The following SRRM3 variants were observed in gnomAD, a reference collection of about 807,000 sequenced individuals.
SRRM3 encodes serine/arginine repetitive matrix 3, also known as serine/arginine repetitive matrix protein 3.
Under a neutral mutation model 66.2 loss-of-function variants are expected in SRRM3, and 27 were observed. The observed-to-expected ratio is 0.41, with a 90% CI of 0.30 to 0.56. SRRM3 has a LOEUF of 0.56. Ranked by LOEUF, SRRM3 falls within the 20% of genes least tolerant of loss-of-function variation. The pLI, the probability that SRRM3 is intolerant of heterozygous loss-of-function variation, is 0.32. For synonymous variants in SRRM3, 391 were observed against 414.9 expected (o/e 0.94, Z 0.70); for missense variants, 918 against 991.9 (o/e 0.93, Z 1.00).
intron 11 of SRRM3, 44 bp downstream of exon 11, chr7:76,267,479 G>A (rs1802098993): frequency 6.9e-6 from 9 of 1,298,530 alleles, no homozygotes; most frequent in South Asian, 2.3e-5. Flanking sequence ...GCCGCGGGCT[G>A]CGCCGTGCGT....
intron 1 of SRRM3, among the ~76,000 whole-genome samples, chr7:76,232,076 G>A (rs1037629360): frequency 6.6e-6 from 1 of 152,158 alleles, no homozygotes; most frequent in African/African-American, 2.4e-5. Context: ...ACCATGCCAT[G>A]TATTCCTCTC....
chr7:76,264,719 C>T (rs2117068737), intron 8 of SRRM3, 46 bp from the exon 9 acceptor site: 1 of 1,608,402 alleles, frequency 6.2e-7, no homozygotes, highest in East Asian at 2.2e-5. Context: ...ACGAAGGCCA[C>T]ACCCTCCCCG....
chr7:76,208,659 A>G (rs1350296921), intron 1 of SRRM3, among the ~76,000 whole-genome samples: 1 of 151,692 alleles, frequency 6.6e-6, no homozygotes, highest in Admixed American at 6.6e-5. Flanking sequence ...TCATGGAGAA[A>G]CCCCATCTCC....
intron 3 of SRRM3, among the ~76,000 whole-genome samples, chr7:76,254,987 A>G (rs1298393055): frequency 6.6e-6 from 1 of 151,950 alleles, no homozygotes; most frequent in East Asian, 1.9e-4. Flanking sequence ...CACCCCAGAA[A>G]AACCTCGCTA....
At chr7:76,252,567 C>T (rs932715519) in intron 3 of SRRM3, among the ~76,000 whole-genome samples, 1 of 151,572 alleles carries the variant, frequency 6.6e-6, no homozygotes, top group Non-Finnish European at 1.5e-5. Context: ...AGTGATCTGC[C>T]CACCTTGGCC....
In SRRM3 at chr7:76,210,992, T is replaced by C. The variant is rs1257762378; in HGVS notation, c.-40+8925T>C. Among the ~76,000 whole-genome samples, 33 of 152,132 alleles carry C rather than the reference T, an allele frequency of 2.2e-4. 1 individual carries two copies. On this transcript the variant is annotated intron_variant, in intron 1 of 14. Coordinates refer to ENST00000611745, the MANE Select transcript of SRRM3 (RefSeq NM_001110199.3). The stretch of plus-strand genomic sequence containing the variant: ...TAATTTTTTTTGTGTGTGTGTATTT[T>C]TAGTAGAGACAGGGTTTCAACATAT...
At position 76,270,021 on chromosome 7, in the gene SRRM3, G is replaced by C. The variant is rs1802172333; in HGVS notation, c.1008+2586G>C. On this transcript the variant is annotated intron_variant, in intron 11 of 14. Transcript: ENST00000611745. ...CTCCCACACCAACAGCTCCTGCCAAGTCAGCAGCGGCAGCAAATCCTCCTT... is the reference window on the plus strand; with the variant it reads ...CTCCCACACCAACAGCTCCTGCCAACTCAGCAGCGGCAGCAAATCCTCCTT... 3 of 151,926 alleles carry C rather than the reference G, an allele frequency of 2.0e-5. No individual in the cohort carries two copies. In the South Asian group the frequency reaches 6.2e-4, roughly 32 times the overall value. 9.4% of individuals were successfully genotyped at this position (151,926 alleles called of 1,614,324 possible).
At chr7:76,242,104 CA>C (rs1554605693) in intron 2 of SRRM3, among the ~76,000 whole-genome samples, 2 of 152,184 alleles carry the variant, frequency 1.3e-5, no homozygotes, top group Non-Finnish European at 2.9e-5. Context: ...AGAGACACCC[CA>C]GACTCCTTAA....
chr7:76,231,904 A>C (rs751269246), intron 1 of SRRM3, among the ~76,000 whole-genome samples: 11 of 152,164 alleles, frequency 7.2e-5, no homozygotes, highest in Non-Finnish European at 5.9e-5. Flanking sequence ...GAGGGGAAAC[A>C]CATAGGCAAA....
intron 1 of SRRM3, among the ~76,000 whole-genome samples, chr7:76,215,499 C>G (rs73138059): frequency 0.013 from 1,934 of 149,956 alleles, 12 homozygotes; most frequent in Non-Finnish European, 0.02. Flanking sequence ...CCTTCTAGGC[C>G]CAAATGATCC....
intron 14 of SRRM3, among the ~76,000 whole-genome samples, chr7:76,284,172 CTTT>C (rs61170781): frequency 3.7e-5 from 5 of 134,594 alleles, no homozygotes; most frequent in Admixed American, 1.5e-4. Flanking sequence ...GCTACTGCTT[CTTT>C]TTTTTTTTTT....
At chr7:76,252,449 G>C (rs1307553413) in intron 3 of SRRM3, among the ~76,000 whole-genome samples, 1 of 152,146 alleles carries the variant, frequency 6.6e-6, no homozygotes, top group Non-Finnish European at 1.5e-5. Context: ...AGCCTCCCAA[G>C]TAGCTGGGAT....
chr7:76,282,298 C>T (rs1286272924), intron 12 of SRRM3, among the ~76,000 whole-genome samples: 1 of 144,470 alleles, frequency 6.9e-6, no homozygotes, highest in Non-Finnish European at 1.5e-5. Flanking sequence ...TGAGCTACCC[C>T]CGGTTATCCT....
At chr7:76,210,098 T>C (rs2116934484) in intron 1 of SRRM3, among the ~76,000 whole-genome samples, 1 of 152,266 alleles carries the variant, frequency 6.6e-6, no homozygotes, top group South Asian at 2.1e-4. Flanking sequence ...CAGGAGGTGA[T>C]GGTACCACTG....
At chr7:76,209,833 T>C (rs1800386205) in intron 1 of SRRM3, among the ~76,000 whole-genome samples, 1 of 152,162 alleles carries the variant, frequency 6.6e-6, no homozygotes, top group African/African-American at 2.4e-5. Context: ...CTCAAATGCC[T>C]GGCCTCAAGC....
At chr7:76,266,888 G>T (rs1554609801) in intron 10 of SRRM3, among the ~76,000 whole-genome samples, 1 of 151,558 alleles carries the variant, frequency 6.6e-6, no homozygotes, top group Admixed American at 6.6e-5. Context: ...GAACAGCCTG[G>T]TCTCGAATTC....
chr7:76,282,939 C>A lies in SRRM3; in HGVS notation c.1596-25C>A, dbSNP rs782076131. On this transcript the variant is annotated intron_variant, in intron 13 of 14. Coordinates refer to ENST00000611745, the MANE Select transcript of SRRM3 (RefSeq NM_001110199.3). ...GGTGGAGCGGCCGGGCCGCGTCGCTCACTTACCTCGCGCCGGCCCCGCAGG... is the reference window on the plus strand; with the variant it reads ...GGTGGAGCGGCCGGGCCGCGTCGCTAACTTACCTCGCGCCGGCCCCGCAGG... The A allele has an allele frequency of 5.5e-5, 73 of 1,322,566 alleles. 1 individual carries two copies. The South Asian group carries it at 1.4e-3, about 25-fold the overall frequency. The allele number at this position is 1,322,566 out of a possible 1,614,324, so 81.9% of individuals were successfully genotyped here.
At chr7:76,232,317 A>T (rs1285428215) in intron 1 of SRRM3, among the ~76,000 whole-genome samples, 1 of 152,014 alleles carries the variant, frequency 6.6e-6, no homozygotes, top group Non-Finnish European at 1.5e-5. Context: ...TGAGGTCAGG[A>T]GTTCAAGACC....
intron 5 of SRRM3, 110 bp from the exon 6 acceptor site, chr7:76,260,764 G>T: frequency 1.8e-6 from 2 of 1,086,200 alleles, no homozygotes; most frequent in South Asian, 1.5e-5. Context: ...TGCCATCCCC[G>T]AATCTCTCTG....
Sources: gnomAD v4.1 joint callset for allele counts (sites outside exome capture counted in the v4.1 genomes callset) on GRCh38, gnomAD v4.1.1 for gene constraint, MANE v1.5 for transcripts, NCBI Gene and HGNC (gene_info 2026-07-23, HGNC 2026-07-21) for gene names.